Variants in ROBO1 observed in about 807,000 individuals in gnomAD.
ROBO1 encodes the protein roundabout guidance receptor 1.
Under a neutral mutation model 195.9 loss-of-function variants are expected in ROBO1, and 149 were observed. The observed-to-expected ratio is 0.76, with a 90% CI of 0.67 to 0.87. The LOEUF (loss-of-function observed/expected upper bound fraction) is 0.87, where lower values mean the gene tolerates loss of function less well. Ranked by LOEUF, ROBO1 falls within the 40% of genes least tolerant of loss-of-function variation. The pLI is 0.00. For missense variants in ROBO1, 1,933 were observed against 2,068.3 expected (o/e 0.93, Z 1.27); for synonymous variants, 816 against 733.2 (o/e 1.11, Z -1.82).
At chr3:79,636,976 G>A (rs897957942) in intron 1 of ROBO1, among the ~76,000 whole-genome samples, 1 of 152,164 alleles carries the variant, frequency 6.6e-6, no homozygotes, top group Non-Finnish European at 1.5e-5. Context: ...GAAAAAGAGA[G>A]CTGGCTTTAT....
chr3:79,361,023 G>C (rs376131322), intron 2 of ROBO1, among the ~76,000 whole-genome samples: 2 of 151,944 alleles, frequency 1.3e-5, no homozygotes, highest in African/African-American at 4.8e-5. Flanking sequence ...TTAAAACTTC[G>C]AGTTAAGAAA....
In ROBO1 at chr3:79,149,514, T is replaced by TTGC. The variant is rs2080722012; in HGVS notation, c.89-23976_89-23975insGCA. 6.0e-5 allele frequency among the ~76,000 whole-genome samples: 3 copies of TTGC among 49,708 alleles called. No homozygotes were observed. The South Asian group carries it at 3.1e-3, about 51-fold the overall frequency. The allele number at this position is 49,708 out of a possible 152,430, so 32.6% of individuals were successfully genotyped here. A position where few individuals can be genotyped will look rare whatever the true frequency, so the allele number is the denominator to read the frequency against. On this transcript the variant is annotated intron_variant, in intron 2 of 30. Coordinates refer to ENST00000464233, the MANE Select transcript of ROBO1 (RefSeq NM_002941.4). Reference sequence around the variant, plus strand: ...CTTATTCAGTCTCTTCGAACTGTGTTTGTTGTTGTTGTTGTTGTTGTTGTT... The same window carrying TTGC: ...CTTATTCAGTCTCTTCGAACTGTGTTTGCTGTTGTTGTTGTTGTTGTTGTTGTT...
intron 3 of ROBO1, among the ~76,000 whole-genome samples, chr3:78,998,277 A>C (rs2077415432): frequency 6.6e-6 from 1 of 152,132 alleles, no homozygotes; most frequent in South Asian, 2.1e-4. Flanking sequence ...GTACCAGCTC[A>C]CAGTATTTTA....
Position 78,749,225 on chromosome 3 carries a change from A to G in ROBO1, c.500-2325T>C, listed in dbSNP as rs145570026. 5.2e-3 allele frequency among the ~76,000 whole-genome samples: 791 copies of G among 152,274 alleles called. 3 individuals are homozygous for G. The highest frequency in any genetic ancestry group is 0.018 in the African/African-American group (761 of 41,556). ...AATACTTTTCAAATAAAAGTAAACA[A>G]TATGCACAATTTTTCTCTGTGGCAA... On this transcript the variant is annotated intron_variant, in intron 4 of 30. Coordinates refer to ENST00000464233, the MANE Select transcript of ROBO1 (RefSeq NM_002941.4).
chr3:78,830,680 C>G (rs1054631107), intron 4 of ROBO1, among the ~76,000 whole-genome samples: 3 of 152,148 alleles, frequency 2.0e-5, no homozygotes, highest in Non-Finnish European at 4.4e-5. Flanking sequence ...TCCACTGGCT[C>G]CCTCCCACGA....
At position 78,668,349 on chromosome 3, in the gene ROBO1, C is replaced by G. The variant is rs372566062; in HGVS notation, c.1631-47G>C. 5.6e-6 allele frequency: 9 copies of G among 1,604,976 alleles called. No individual in the cohort carries two copies. In the African/African-American group the frequency reaches 1.1e-4, roughly 19 times the overall value. On this transcript the variant is annotated intron_variant, in intron 12 of 30. Transcript: ENST00000464233. ...AAAATAAAAGATGTTTACACATACA[C>G]AGATAAGCGGATAAATGCAGATAAC...
intron 2 of ROBO1, among the ~76,000 whole-genome samples, chr3:79,437,677 A>G (rs2038931694): frequency 6.6e-6 from 1 of 152,042 alleles, no homozygotes; most frequent in Non-Finnish European, 1.5e-5. Context: ...GTATGGTTCT[A>G]TGTGTATAGA....
At chr3:78,954,504 C>T (rs2040942993) in intron 3 of ROBO1, among the ~76,000 whole-genome samples, 1 of 151,884 alleles carries the variant, frequency 6.6e-6, no homozygotes, top group Non-Finnish European at 1.5e-5. Flanking sequence ...ACAAATATAA[C>T]ATAATATAAT....
At chr3:78,661,860 T>G (rs1424585204) in intron 15 of ROBO1, 133 bp downstream of exon 15, 16 of 1,057,230 alleles carry the variant, frequency 1.5e-5, no homozygotes, top group Non-Finnish European at 2.1e-5. Context: ...TAATAGCTAC[T>G]GTAATAAACA....
At chr3:79,202,786 A>C (rs577395736) in intron 2 of ROBO1, among the ~76,000 whole-genome samples, 12 of 152,264 alleles carry the variant, frequency 7.9e-5, no homozygotes, top group Admixed American at 3.9e-4. Flanking sequence ...AGAGTTTCTT[A>C]AACAAAACTT....
At chr3:79,259,096 T>C (rs2082890385) in intron 2 of ROBO1, among the ~76,000 whole-genome samples, 1 of 152,100 alleles carries the variant, frequency 6.6e-6, no homozygotes, top group Admixed American at 6.6e-5. Flanking sequence ...TTCCATTCCC[T>C]CAATCATTTA....
At chr3:79,116,666 C>T (rs1280163822) in intron 3 of ROBO1, among the ~76,000 whole-genome samples, 4 of 151,630 alleles carry the variant, frequency 2.6e-5, no homozygotes, top group Non-Finnish European at 5.9e-5. Context: ...TACAGACACC[C>T]ACCACCACGC....
intron 4 of ROBO1, among the ~76,000 whole-genome samples, chr3:78,928,444 A>C (rs969191827): frequency 6.8e-6 from 1 of 147,832 alleles, no homozygotes; most frequent in African/African-American, 2.7e-5. Context: ...CTTTTTAAAA[A>C]GAAAAGAAGA....
intron 1 of ROBO1, among the ~76,000 whole-genome samples, chr3:79,668,424 C>A (rs1366972589): frequency 3.4e-5 from 5 of 148,088 alleles, no homozygotes; most frequent in Non-Finnish European, 4.5e-5. Flanking sequence ...CTCTGTGAAG[C>A]AAAAAAAAAA....
At chr3:79,472,964 G>A (rs1938361173) in intron 2 of ROBO1, among the ~76,000 whole-genome samples, 1 of 152,108 alleles carries the variant, frequency 6.6e-6, no homozygotes, top group Non-Finnish European at 1.5e-5. Flanking sequence ...GAAGGTGCTA[G>A]GGAGTGAGAG....
intron 26 of ROBO1, among the ~76,000 whole-genome samples, chr3:78,619,597 C>T (rs1448784924): frequency 6.6e-6 from 1 of 151,758 alleles, no homozygotes; most frequent in Non-Finnish European, 1.5e-5. Context: ...TAGGAGAATG[C>T]ACCTGGCAGA....
At chr3:79,058,461 C>T (rs2078854211) in intron 3 of ROBO1, among the ~76,000 whole-genome samples, 1 of 151,994 alleles carries the variant, frequency 6.6e-6, no homozygotes. Flanking sequence ...TGGACATTGG[C>T]TATTGCCATG....
At chr3:79,026,747 T>A (rs1384686936) in intron 3 of ROBO1, among the ~76,000 whole-genome samples, 1 of 152,036 alleles carries the variant, frequency 6.6e-6, no homozygotes, top group Non-Finnish European at 1.5e-5. Context: ...TGATTTAAAA[T>A]TCTCCTAAAT....
intron 1 of ROBO1, among the ~76,000 whole-genome samples, chr3:79,664,277 T>A (rs1176411983): frequency 6.6e-6 from 1 of 152,182 alleles, no homozygotes; most frequent in Admixed American, 6.6e-5. Context: ...AATCATATTG[T>A]AAGCAATGGA....
Sources: allele counts gnomAD v4.1 joint callset (sites outside exome capture counted in the v4.1 genomes callset), GRCh38; gene constraint gnomAD v4.1.1; transcripts MANE v1.5; gene names NCBI Gene and HGNC (gene_info 2026-07-23, HGNC 2026-07-21).